SASH1: variants seen among roughly 807,000 people sequenced by gnomAD.
SASH1 encodes the protein SAM and SH3 domain-containing protein 1.
SASH1 carries 44 observed loss-of-function variants against 125.2 expected under a neutral mutation model. The ratio of observed to expected loss-of-function variants is 0.35; its 90% CI spans 0.28 to 0.45. SASH1 has a LOEUF of 0.45. Among genes scored for constraint, SASH1 ranks in the 20% least tolerant of loss-of-function variants. The pLI is 1.00. For synonymous variants in SASH1, 639 were observed against 649.1 expected, an observed-to-expected ratio of 0.98 and a Z score of 0.24; for missense variants, 1,426 against 1,614.5, an observed-to-expected ratio of 0.88 and a Z score of 2.00.
Position 148,487,609 on chromosome 6 carries a change from T to TA in SASH1, c.628-4dup. On this transcript the variant is annotated splice_polypyrimidine_tract_variant and splice_region_variant and intron_variant, in intron 7 of 19. Transcript: ENST00000367467. ...CATTTCAGTATCCATTTCTTCTTGT[T>TA]ACAGCTCAAGGAATACGAGGCCCAG... The TA allele has an allele frequency of 6.2e-7, 1 of 1,609,592 alleles. No individual in the cohort carries two copies. The highest frequency in any genetic ancestry group is 8.5e-7 in the Non-Finnish European group (1 of 1,176,976).
chr6:148,413,828 T>C (rs1237605525), intron 2 of SASH1, among the ~76,000 whole-genome samples: 1 of 151,894 alleles, frequency 6.6e-6, no homozygotes, highest in African/African-American at 2.4e-5. Context: ...CCCTCTTCTT[T>C]CTATGGGGAG....
intron 7 of SASH1, among the ~76,000 whole-genome samples, chr6:148,487,359 C>T (rs757482140): frequency 5.9e-5 from 9 of 151,870 alleles, no homozygotes; most frequent in Non-Finnish European, 1.3e-4. Context: ...TCCATTTTGC[C>T]TGTTGATTTG....
chr6:148,512,027 T>C (rs12194207), intron 8 of SASH1, among the ~76,000 whole-genome samples: 9 of 102,788 alleles, frequency 8.8e-5, no homozygotes, highest in African/African-American at 2.3e-4. Context: ...ATTTATTTAT[T>C]TATTTTTTTG....
At chr6:148,474,614 C>A (rs111756089) in intron 7 of SASH1, among the ~76,000 whole-genome samples, 191 of 152,244 alleles carry the variant, frequency 1.3e-3, no homozygotes, top group African/African-American at 4.3e-3. Context: ...CTATGTTGCC[C>A]AGACTGTAGT....
At chr6:148,385,680 C>A (rs1783335955) in intron 1 of SASH1, among the ~76,000 whole-genome samples, 1 of 152,086 alleles carries the variant, frequency 6.6e-6, no homozygotes, top group Non-Finnish European at 1.5e-5. Context: ...ATCAATCATG[C>A]CTGCATAATG....
At chr6:148,378,857 G>A (rs920238842) in intron 1 of SASH1, among the ~76,000 whole-genome samples, 1 of 152,176 alleles carries the variant, frequency 6.6e-6, no homozygotes, top group Non-Finnish European at 1.5e-5. Context: ...CACTTTATTG[G>A]TGTCAGCAGC....
At chr6:148,448,266 G>A (rs1020483106) in intron 4 of SASH1, among the ~76,000 whole-genome samples, 3 of 152,184 alleles carry the variant, frequency 2.0e-5, no homozygotes, top group Non-Finnish European at 4.4e-5. Flanking sequence ...GATTGAGTGA[G>A]TGAGCATGCA....
the SASH1 span, among the ~76,000 whole-genome samples, chr6:148,225,302 T>C: frequency 6.6e-6 from 1 of 152,204 alleles, no homozygotes; most frequent in African/African-American, 2.4e-5. Context: ...TTTTCATAAA[T>C]CTAATTCTTT....
rs1583308612 is a variant in SASH1 at position 148,529,644 on chromosome 6, C to T, written c.1429-1882C>T. On this transcript the variant is annotated intron_variant, in intron 12 of 19. Transcript: ENST00000367467. This position sits in a 1 kb window ranked among gnomAD's most constrained non-coding sequence, Gnocchi z 4.2. ...GCATAGAATTTTAATGTCATTTTGG[C>T]ATTTTTCAATAATTTTACTACCATA... Among the ~76,000 whole-genome samples the T allele has an allele frequency of 6.6e-6, 1 of 152,072 alleles. No individual in the cohort carries two copies. Among genetic ancestry groups the T allele is most frequent in the Non-Finnish European group, 1.5e-5 (1 of 68,000 alleles).
rs543250422 is a variant in SASH1 at position 148,518,781 on chromosome 6, C to T, written c.863-766C>T. Among the ~76,000 whole-genome samples, 40 of 152,276 alleles carry T rather than the reference C, an allele frequency of 2.6e-4. 1 individual carries two copies. The South Asian group carries it at 7.2e-3, about 28-fold the overall frequency. ...TCCTGCCAAGTCCAAACCTTTCCAC[C>T]GGGCTCTGGAGGGCTTGGCTTGCCA... is the stretch of plus-strand genomic sequence containing the variant. On this transcript the variant is annotated intron_variant, in intron 9 of 19. Transcript: ENST00000367467.
chr6:148,223,622 C>T, the SASH1 span, among the ~76,000 whole-genome samples: 2 of 152,170 alleles, frequency 1.3e-5, no homozygotes, highest in Non-Finnish European at 2.9e-5. Flanking sequence ...TCTATTATAA[C>T]TTCATGTGAG....
intron 2 of SASH1, among the ~76,000 whole-genome samples, chr6:148,401,895 G>A (rs1784183272): frequency 6.6e-6 from 1 of 152,100 alleles, no homozygotes. Flanking sequence ...GGGTGTCTTT[G>A]TTTGTATGTG....
the SASH1 span, among the ~76,000 whole-genome samples, chr6:148,229,259 G>A: frequency 6.6e-6 from 1 of 150,690 alleles, no homozygotes; most frequent in Non-Finnish European, 1.5e-5. Context: ...TTCTGCCCAA[G>A]TACAGGATAG....
chr6:148,209,936 T>A, the SASH1 span, among the ~76,000 whole-genome samples: 1 of 152,058 alleles, frequency 6.6e-6, no homozygotes, highest in Non-Finnish European at 1.5e-5. Flanking sequence ...ACACAGTGTA[T>A]TTTTTTTCCC....
At chr6:148,206,667 G>A in the SASH1 span, among the ~76,000 whole-genome samples, 1 of 151,794 alleles carries the variant, frequency 6.6e-6, no homozygotes, top group Non-Finnish European at 1.5e-5. Context: ...GTAGGTGCCT[G>A]AAATACCAGC....
chr6:148,374,362 TA>T (rs1220817669), intron 1 of SASH1, among the ~76,000 whole-genome samples: 1 of 152,202 alleles, frequency 6.6e-6, no homozygotes, highest in Non-Finnish European at 1.5e-5. Flanking sequence ...GATGAACTGA[TA>T]AAAATGTTAA....
intron 4 of SASH1, among the ~76,000 whole-genome samples, chr6:148,465,891 T>G (rs772557589): frequency 2.4e-4 from 37 of 152,130 alleles, no homozygotes; most frequent in Non-Finnish European, 4.3e-4. Context: ...TCTTCCTCAT[T>G]CTTCTCCTCC....
chr6:148,379,226 C>G (rs146401125), intron 1 of SASH1, among the ~76,000 whole-genome samples: 1,746 of 152,274 alleles, frequency 0.011, 22 homozygotes, highest in Non-Finnish European at 0.018. Context: ...TCCTGTCTCT[C>G]CAGTCCCCTG....
chr6:148,443,900 G>T (rs1032192601), intron 4 of SASH1, among the ~76,000 whole-genome samples: 2 of 152,208 alleles, frequency 1.3e-5, no homozygotes, highest in African/African-American at 4.8e-5. Flanking sequence ...CCCTCAAAGG[G>T]TGACCTGGCG....
Sources: allele counts gnomAD v4.1 joint callset (sites outside exome capture counted in the v4.1 genomes callset), GRCh38; gene constraint gnomAD v4.1.1; non-coding constraint Gnocchi (gnomAD v3.1); transcripts MANE v1.5; gene names NCBI Gene and HGNC (gene_info 2026-07-23, HGNC 2026-07-21).